Variants in RBFOX1 observed in about 807,000 individuals in gnomAD.
The protein encoded by RBFOX1 is RNA binding fox-1 homolog 1, also known as RNA binding protein fox-1 homolog 1.
In RBFOX1, 8 loss-of-function variants were observed where a neutral mutation model predicts 57.7. The observed-to-expected ratio is 0.14, with a 90% CI of 0.08 to 0.25. RBFOX1 has a LOEUF of 0.25. Among genes scored for constraint, RBFOX1 ranks in the 10% least tolerant of loss-of-function variants. RBFOX1 has a pLI of 1.00. For missense variants in RBFOX1, 611 were observed against 548.5 expected, an observed-to-expected ratio of 1.11 and a Z score of -1.14; for synonymous variants, 326 against 222.4, an observed-to-expected ratio of 1.47 and a Z score of -4.15.
chr16:7,321,267 C>T (rs745460002), intron 4 of RBFOX1, among the ~76,000 whole-genome samples: 25 of 152,166 alleles, frequency 1.6e-4, no homozygotes, highest in Non-Finnish European at 2.9e-4. Context: ...GCATCAGCCT[C>T]CTAAGTAGCT....
In RBFOX1 at chr16:6,998,840, G is replaced by A. The variant is rs988383497; in HGVS notation, c.-15-53217G>A. Among the ~76,000 whole-genome samples, 26 of 151,734 alleles carry A rather than the reference G, an allele frequency of 1.7e-4. 1 individual carries two copies. The highest frequency in any genetic ancestry group is 1.3e-4 in the Admixed American group (2 of 15,208). On this transcript the variant is annotated intron_variant, in intron 3 of 15. Coordinates refer to ENST00000550418, the MANE Select transcript of RBFOX1 (RefSeq NM_018723.4). ...ATATACCCACAAATACTGGAGTCATGTTTCTTCTTTTTTTAATTAATTAAG... is the reference window on the plus strand; with the variant it reads ...ATATACCCACAAATACTGGAGTCATATTTCTTCTTTTTTTAATTAATTAAG...
At chr16:6,756,396 A>G (rs2075793376) in intron 3 of RBFOX1, among the ~76,000 whole-genome samples, 1 of 152,322 alleles carries the variant, frequency 6.6e-6, no homozygotes, top group Admixed American at 6.5e-5. Flanking sequence ...GCATTAAGAC[A>G]CTGGCCTAGG....
At chr16:6,945,098 C>G (rs1304138374) in intron 3 of RBFOX1, among the ~76,000 whole-genome samples, 1 of 152,080 alleles carries the variant, frequency 6.6e-6, no homozygotes, top group South Asian at 2.1e-4. Flanking sequence ...CAGCTCTGCA[C>G]CCAACGTCCC....
intron 1 of RBFOX1, among the ~76,000 whole-genome samples, chr16:6,142,223 T>TAAAAAAAA (rs2152703483): frequency 1.0e-5 from 1 of 95,266 alleles, no homozygotes; most frequent in African/African-American, 4.1e-5. Flanking sequence ...AAAATCCAAC[T>TAAAAAAAA]CTTTTTTTTT....
chr16:6,323,281 C>T (rs1191486010), intron 2 of RBFOX1, among the ~76,000 whole-genome samples: 1 of 152,096 alleles, frequency 6.6e-6, no homozygotes, highest in East Asian at 1.9e-4. Flanking sequence ...CAGGCAGCAC[C>T]CCACTGTCAG....
intron 4 of RBFOX1, among the ~76,000 whole-genome samples, chr16:7,345,613 C>T (rs887192520): frequency 2.6e-5 from 4 of 152,114 alleles, no homozygotes; most frequent in East Asian, 3.9e-4. Flanking sequence ...CGCCAGTCAT[C>T]AGCCGCCGAG....
At chr16:5,559,197 T>C (rs1430377925) in intron 2 of RBFOX1, among the ~76,000 whole-genome samples, 2 of 130,564 alleles carry the variant, frequency 1.5e-5, no homozygotes, top group Non-Finnish European at 1.6e-5. Context: ...AAAAGTCAAG[T>C]GTAGAGAAAA....
chr16:5,870,270 A>G (rs1477130056), intron 4 of RBFOX1, among the ~76,000 whole-genome samples: 2 of 151,378 alleles, frequency 1.3e-5, no homozygotes, highest in Non-Finnish European at 2.9e-5. Context: ...GGGAATGTCC[A>G]ACACTCTCAT....
intron 2 of RBFOX1, among the ~76,000 whole-genome samples, chr16:5,561,617 C>T (rs544836101): frequency 6.6e-6 from 1 of 152,230 alleles, no homozygotes; most frequent in African/African-American, 2.4e-5. Flanking sequence ...ATTTCCAATC[C>T]TGTTTTAATA....
At chr16:6,970,634 C>G (rs2085329989) in intron 3 of RBFOX1, among the ~76,000 whole-genome samples, 2 of 152,158 alleles carry the variant, frequency 1.3e-5, no homozygotes, top group East Asian at 1.9e-4. Flanking sequence ...TGGAAGGGCA[C>G]TAATCCCATT....
chr16:7,414,827 A>C (rs1447485910), intron 4 of RBFOX1, among the ~76,000 whole-genome samples: 1 of 152,190 alleles, frequency 6.6e-6, no homozygotes, highest in African/African-American at 2.4e-5. Flanking sequence ...CATGTTAGCC[A>C]GGCTGGTCTT....
intron 1 of RBFOX1, among the ~76,000 whole-genome samples, chr16:6,211,651 G>A (rs1257435775): frequency 6.6e-6 from 1 of 152,096 alleles, no homozygotes; most frequent in Non-Finnish European, 1.5e-5. Context: ...GCTGAGAGAA[G>A]TACCTCTTTT....
At chr16:7,602,886 T>C (rs1463329010) in intron 9 of RBFOX1, among the ~76,000 whole-genome samples, 1 of 152,174 alleles carries the variant, frequency 6.6e-6, no homozygotes, top group Non-Finnish European at 1.5e-5. Context: ...ATATCAAGTA[T>C]TTTCTTAGAC....
intron 2 of RBFOX1, among the ~76,000 whole-genome samples, chr16:6,475,092 A>C (rs543353865): frequency 6.6e-6 from 1 of 152,306 alleles, no homozygotes; most frequent in African/African-American, 2.4e-5. Context: ...GCAGTAGAAA[A>C]TGTCTGAAGT....
chr16:6,834,177 G>T (rs1446291445), intron 3 of RBFOX1, among the ~76,000 whole-genome samples: 1 of 152,024 alleles, frequency 6.6e-6, no homozygotes, highest in Non-Finnish European at 1.5e-5. Context: ...CAGTTCAAGT[G>T]ATTGTCCTGC....
At position 7,410,296 on chromosome 16, in the gene RBFOX1, C is replaced by G. The variant is rs557080690; in HGVS notation, c.28-107851C>G. On this transcript the variant is annotated intron_variant, in intron 4 of 15. Coordinates refer to ENST00000550418, the MANE Select transcript of RBFOX1 (RefSeq NM_018723.4). ...CTGTCTATTACAGATACTGTTATTGCTCTCACTTGACAAATAAGGATGCTG... is the reference window on the plus strand; with the variant it reads ...CTGTCTATTACAGATACTGTTATTGGTCTCACTTGACAAATAAGGATGCTG... Among the ~76,000 whole-genome samples, 82 of 152,324 alleles carry G rather than the reference C, an allele frequency of 5.4e-4. 1 individual carries two copies. Among genetic ancestry groups the G allele is most frequent in the African/African-American group, 1.9e-3 (80 of 41,568 alleles).
intron 4 of RBFOX1, among the ~76,000 whole-genome samples, chr16:7,443,213 T>A (rs933857676): frequency 9.9e-5 from 15 of 152,128 alleles, no homozygotes; most frequent in Admixed American, 4.6e-4. Context: ...ACCTTTTTTT[T>A]AAATATTAAA....
Position 6,817,147 on chromosome 16 carries a change from C to G in RBFOX1, c.-16+162497C>G, listed in dbSNP as rs374454815. ...TAACCTTTGACATGGCTGCAACCTG[C>G]TGAGTAAAGGCTGATCCCTTGACTG... On this transcript the variant is annotated intron_variant, in intron 3 of 15. Transcript: ENST00000550418. 9.2e-5 allele frequency among the ~76,000 whole-genome samples: 14 copies of G among 152,258 alleles called. No homozygotes were observed. In the East Asian group the frequency reaches 1.9e-3, roughly 21 times the overall value.
chr16:5,387,340 A>G (rs556758854), intron 1 of RBFOX1, among the ~76,000 whole-genome samples: 6 of 152,092 alleles, frequency 3.9e-5, no homozygotes, highest in Admixed American at 1.3e-4. Context: ...ACACACTTCT[A>G]TTTTCCCTTA....
Sources: gnomAD v4.1 joint callset for allele counts (sites outside exome capture counted in the v4.1 genomes callset) on GRCh38, gnomAD v4.1.1 for gene constraint, MANE v1.5 for transcripts, NCBI Gene and HGNC (gene_info 2026-07-23, HGNC 2026-07-21) for gene names.